Variants in FGF14 observed in about 807,000 individuals in gnomAD.
FGF14 encodes the protein fibroblast growth factor 14.
FGF14 carries 5 observed loss-of-function variants against 25.5 expected under a neutral mutation model. The observed-to-expected ratio is 0.20, with a 90% CI of 0.10 to 0.41. FGF14 has a LOEUF of 0.41. Among genes scored for constraint, FGF14 ranks in the 10% least tolerant of loss-of-function variants. FGF14 has a pLI of 1.00. For missense variants in FGF14, 222 were observed against 320.1 expected (o/e 0.69, Z 2.34); for synonymous variants, 138 against 118.3 (o/e 1.17, Z -1.08).
chr13:102,210,617 T>C (rs1261974379), intron 1 of FGF14, among the ~76,000 whole-genome samples: 1 of 152,206 alleles, frequency 6.6e-6, no homozygotes, highest in African/African-American at 2.4e-5. Context: ...AACTCTTAGC[T>C]ACTTATTGTT....
chr13:102,081,541 T>A (rs1332996243), intron 1 of FGF14, among the ~76,000 whole-genome samples: 5 of 152,188 alleles, frequency 3.3e-5, no homozygotes. Flanking sequence ...CTCTATCATT[T>A]CCTGAATCTT....
At chr13:102,314,983 T>C (rs2055949114) in intron 1 of FGF14, among the ~76,000 whole-genome samples, 1 of 149,374 alleles carries the variant, frequency 6.7e-6, no homozygotes. Flanking sequence ...TTATTATAAA[T>C]AACATATTAA....
intron 1 of FGF14, among the ~76,000 whole-genome samples, chr13:101,957,144 G>A (rs535555420): frequency 1.3e-5 from 2 of 152,086 alleles, no homozygotes; most frequent in African/African-American, 2.4e-5. Context: ...ACTCAAATTT[G>A]CATTGAGATA....
chr13:101,931,674 T>C lies in FGF14; in HGVS notation c.209-56378A>G, dbSNP rs74108939. On this transcript the variant is annotated intron_variant, in intron 1 of 4. Transcript: ENST00000376131. The stretch of plus-strand genomic sequence containing the variant: ...AGCTGTTAAGAGTAACTTTGAAAGG[T>C]TGGTTTCCTCCGGGTGAGCCGGACA... Among the ~76,000 whole-genome samples the C allele has an allele frequency of 8.3e-3, 1,265 of 152,256 alleles. 18 individuals are homozygous for C. The highest frequency in any genetic ancestry group is 0.029 in the African/African-American group (1,214 of 41,546).
chr13:102,152,293 A>C (rs1473979418), intron 1 of FGF14, among the ~76,000 whole-genome samples: 1 of 152,232 alleles, frequency 6.6e-6, no homozygotes, highest in Non-Finnish European at 1.5e-5. Flanking sequence ...TAGGGTTCCC[A>C]TAACAAAGTA....
At chr13:102,036,870 C>T (rs2041501007) in intron 1 of FGF14, among the ~76,000 whole-genome samples, 1 of 152,052 alleles carries the variant, frequency 6.6e-6, no homozygotes, top group Non-Finnish European at 1.5e-5. Context: ...CTAATATTTC[C>T]TCTTATATTT....
At chr13:101,811,601 T>C (rs2041513787) in intron 3 of FGF14, among the ~76,000 whole-genome samples, 1 of 152,230 alleles carries the variant, frequency 6.6e-6, no homozygotes, top group Non-Finnish European at 1.5e-5. Context: ...TGTACACATA[T>C]GTTTTCAATT....
chr13:101,840,344 C>T (rs1386098613), intron 3 of FGF14, among the ~76,000 whole-genome samples: 1 of 151,840 alleles, frequency 6.6e-6, no homozygotes, highest in Non-Finnish European at 1.5e-5. Context: ...TCCCTAATTT[C>T]TCATAGCTTA....
chr13:101,882,000 C>A (rs1477165761), intron 1 of FGF14, among the ~76,000 whole-genome samples: 1 of 152,056 alleles, frequency 6.6e-6, no homozygotes, highest in African/African-American at 2.4e-5. Context: ...TATGTAAGTT[C>A]TTAAATGCTA....
intron 1 of FGF14, among the ~76,000 whole-genome samples, chr13:101,891,149 C>T (rs2046248012): frequency 6.6e-6 from 1 of 152,116 alleles, no homozygotes; most frequent in Non-Finnish European, 1.5e-5. Context: ...AAACTGGCAA[C>T]CATAATACAG....
intron 3 of FGF14, among the ~76,000 whole-genome samples, chr13:101,808,026 A>G (rs776230149): frequency 2.0e-5 from 3 of 152,070 alleles, no homozygotes; most frequent in Non-Finnish European, 4.4e-5. Flanking sequence ...AGAGATGCAA[A>G]TAATAGCTAA....
intron 3 of FGF14, among the ~76,000 whole-genome samples, chr13:101,791,798 T>C (rs1405933994): frequency 6.6e-6 from 1 of 152,078 alleles, no homozygotes; most frequent in Non-Finnish European, 1.5e-5. Context: ...TCTAAAAAAT[T>C]TGTGAGCATT....
At chr13:102,391,418 T>C (rs1221323322) in intron 1 of FGF14, among the ~76,000 whole-genome samples, 1 of 152,208 alleles carries the variant, frequency 6.6e-6, no homozygotes, top group Non-Finnish European at 1.5e-5. Context: ...TACTGTGTTG[T>C]TTAAAATTAT....
intron 1 of FGF14, among the ~76,000 whole-genome samples, chr13:102,033,876 GACGT>G (rs1402172924): frequency 6.6e-6 from 1 of 152,248 alleles, no homozygotes; most frequent in Admixed American, 6.5e-5. Flanking sequence ...ACAGCATGGA[GACGT>G]ACAGTGTGGA....
At chr13:101,822,606 G>C (rs1466710047) in intron 3 of FGF14, among the ~76,000 whole-genome samples, 1 of 151,880 alleles carries the variant, frequency 6.6e-6, no homozygotes, top group Non-Finnish European at 1.5e-5. Context: ...CATGACTATG[G>C]CATGTTTGTA....
chr13:102,032,877 A>G (rs775578244), intron 1 of FGF14, among the ~76,000 whole-genome samples: 1 of 152,120 alleles, frequency 6.6e-6, no homozygotes, highest in Non-Finnish European at 1.5e-5. Context: ...CTAAGCAACC[A>G]AGATTTTATT....
intron 1 of FGF14, among the ~76,000 whole-genome samples, chr13:102,399,129 A>C (rs77489630): frequency 0.014 from 2,200 of 152,174 alleles, 25 homozygotes; most frequent in East Asian, 0.034. Flanking sequence ...GGGGGGAAAA[A>C]CTATTCCAGA....
chr13:102,383,663 G>C (rs1365055140), intron 1 of FGF14, among the ~76,000 whole-genome samples: 1 of 152,174 alleles, frequency 6.6e-6, no homozygotes, highest in Non-Finnish European at 1.5e-5. Context: ...AATGAGGATA[G>C]ATCCGTTTAT....
chr13:102,144,013 C>T (rs1458128838), intron 1 of FGF14, among the ~76,000 whole-genome samples: 3 of 152,082 alleles, frequency 2.0e-5, no homozygotes, highest in African/African-American at 7.2e-5. Flanking sequence ...ACACAGCACG[C>T]ATATTATTTT....
Sources: allele counts gnomAD v4.1 joint callset (sites outside exome capture counted in the v4.1 genomes callset), GRCh38; gene constraint gnomAD v4.1.1; transcripts MANE v1.5; gene names NCBI Gene and HGNC (gene_info 2026-07-23, HGNC 2026-07-21).